MYRIP: variants seen among roughly 807,000 people sequenced by gnomAD.
MYRIP encodes the protein myosin VIIA and Rab interacting protein.
In MYRIP, 49 loss-of-function variants were observed where a neutral mutation model predicts 98.0. The ratio of observed to expected loss-of-function variants is 0.50; its 90% CI spans 0.40 to 0.63. The LOEUF is 0.63. Among genes scored for constraint, MYRIP ranks in the 30% least tolerant of loss-of-function variants. MYRIP has a pLI of 0.00. For synonymous variants in MYRIP, 404 were observed against 409.5 expected (o/e 0.99, Z 0.16); for missense variants, 1,004 against 1,058.2 (o/e 0.95, Z 0.71).
Position 40,151,106 on chromosome 3 carries a change from C to A in MYRIP, c.391C>A (p.Arg131Ser). 1 of 1,610,448 alleles carries A rather than the reference C, an allele frequency of 6.2e-7. No homozygotes were observed. Among genetic ancestry groups the A allele is most frequent in the Non-Finnish European group, 8.5e-7 (1 of 1,178,172 alleles). Residue 131 changes from arginine (R) to serine (S), a missense_variant, in exon 4 of 17, where the codon CGC becomes AGC. Coordinates refer to ENST00000302541, the MANE Select transcript of MYRIP (RefSeq NM_015460.4). ...CAATAATGTGAAGAGCCGCTTCAAG[C>A]GCTTTGGCAGTGCCAAGGTTCTGAA... ...FYNNVKSRFK[R>S]FGSAKVLKNL...
chr3:39,999,416 G>A (rs1417903533), intron 2 of MYRIP, among the ~76,000 whole-genome samples: 4 of 152,082 alleles, frequency 2.6e-5, no homozygotes, highest in Non-Finnish European at 4.4e-5. Flanking sequence ...CAACAGACAC[G>A]TGAAAAAATG....
At chr3:39,933,928 T>C (rs1002857825) in intron 2 of MYRIP, among the ~76,000 whole-genome samples, 1 of 152,160 alleles carries the variant, frequency 6.6e-6, no homozygotes, top group African/African-American at 2.4e-5. Context: ...TTTTATTACC[T>C]CAGTGGTTCT....
chr3:39,917,677 T>C (rs1201989227), intron 2 of MYRIP, among the ~76,000 whole-genome samples: 1 of 151,756 alleles, frequency 6.6e-6, no homozygotes, highest in Non-Finnish European at 1.5e-5. Flanking sequence ...TTATTATAGA[T>C]TAGCTGCCTT....
At chr3:39,843,557 T>C (rs536422770) in intron 1 of MYRIP, among the ~76,000 whole-genome samples, 1 of 152,210 alleles carries the variant, frequency 6.6e-6, no homozygotes, top group African/African-American at 2.4e-5. Flanking sequence ...TCAAGTGATA[T>C]GTTACCTTGG....
chr3:40,134,444 T>G (rs933524743), intron 3 of MYRIP, among the ~76,000 whole-genome samples: 1 of 152,212 alleles, frequency 6.6e-6, no homozygotes, highest in African/African-American at 2.4e-5. Flanking sequence ...CTCTGTAGGC[T>G]CCACCTCTGG....
chr3:39,810,481 C>G, intron 1 of MYRIP: 1 of 153,032 alleles, frequency 6.5e-6, no homozygotes, highest in South Asian at 2.1e-4. Flanking sequence ...GCGGGGCGGT[C>G]ACTTCAGCTT....
intron 8 of MYRIP, among the ~76,000 whole-genome samples, chr3:40,180,684 T>C (rs1950864295): frequency 6.6e-6 from 1 of 152,214 alleles, no homozygotes; most frequent in Non-Finnish European, 1.5e-5. Flanking sequence ...CCCATCATGC[T>C]CTCTCTTCTA....
At chr3:40,203,454 G>A (rs1951626029) in intron 10 of MYRIP, among the ~76,000 whole-genome samples, 1 of 151,688 alleles carries the variant, frequency 6.6e-6, no homozygotes. Context: ...AGGTAATCCA[G>A]AACATACCTC....
Position 39,809,878 on chromosome 3 carries a change from GAC to G in MYRIP, c.-68_-67del, listed in dbSNP as rs1238046712. The G allele has an allele frequency of 6.6e-6, 1 of 152,390 alleles. No individual in the cohort carries two copies. Among genetic ancestry groups the G allele is most frequent in the South Asian group, 2.1e-4 (1 of 4,826 alleles). The allele number at this position is 152,390 out of a possible 1,614,324, so 9.4% of individuals were successfully genotyped here. A position where few individuals can be genotyped will look rare whatever the true frequency, so the allele number is the denominator to read the frequency against. On this transcript the variant is annotated 5_prime_UTR_variant, in exon 1 of 17. The change creates a premature stop within an existing upstream ORF in the 5' untranslated region. Transcript: ENST00000302541. ...TGGCCTGAGCCCGGCCGCCATCGAT[GAC>G]CCCGGTCGCGGACTTGCTTCAGGCT...
chr3:40,030,695 CATT>C (rs1268146463), intron 2 of MYRIP, among the ~76,000 whole-genome samples: 4 of 152,074 alleles, frequency 2.6e-5, no homozygotes, highest in Non-Finnish European at 4.4e-5. Context: ...ACGTTGAACA[CATT>C]ATGCAAAGTG....
intron 1 of MYRIP, among the ~76,000 whole-genome samples, chr3:39,867,968 TATTC>T (rs1942673572): frequency 6.6e-6 from 1 of 152,280 alleles, no homozygotes; most frequent in African/African-American, 2.4e-5. Flanking sequence ...TATAATAAAA[TATTC>T]AGTCATAAAA....
At chr3:39,886,822 C>A (rs1459317980) in intron 1 of MYRIP, among the ~76,000 whole-genome samples, 2 of 152,036 alleles carry the variant, frequency 1.3e-5, no homozygotes, top group Non-Finnish European at 2.9e-5. Context: ...TTGAACTCAG[C>A]TTTGCACCAA....
At chr3:40,247,601 G>C (rs1953246554) in intron 13 of MYRIP, among the ~76,000 whole-genome samples, 1 of 152,162 alleles carries the variant, frequency 6.6e-6, no homozygotes, top group African/African-American at 2.4e-5. Context: ...TTGGCTCACT[G>C]CAACCTCCGC....
rs1386521672 is a variant in MYRIP at position 40,194,708 on chromosome 3, T to C, written c.1665+4245T>C. Among the ~76,000 whole-genome samples the C allele has an allele frequency of 2.0e-5, 3 of 152,302 alleles. No homozygotes were observed. The East Asian group carries it at 5.8e-4, about 29-fold the overall frequency. ...TAAGCCTTTCCTATCAATAATGTGG[T>C]ATTTATTCCCACTTATTTACTTTCA... On this transcript the variant is annotated intron_variant, in intron 10 of 16. Transcript: ENST00000302541.
chr3:40,231,441 G>A (rs1575661865), intron 11 of MYRIP, among the ~76,000 whole-genome samples: 1 of 152,300 alleles, frequency 6.6e-6, no homozygotes, highest in East Asian at 1.9e-4. Flanking sequence ...AATGAACCGT[G>A]GGGAATGTAG....
chr3:40,036,414 T>C (rs1473216870), intron 2 of MYRIP, among the ~76,000 whole-genome samples: 1 of 151,716 alleles, frequency 6.6e-6, no homozygotes, highest in East Asian at 1.9e-4. Context: ...TGCTAGAATT[T>C]ACCTTGATGA....
At chr3:39,929,903 G>A (rs1462654493) in intron 2 of MYRIP, among the ~76,000 whole-genome samples, 1 of 151,970 alleles carries the variant, frequency 6.6e-6, no homozygotes, top group Non-Finnish European at 1.5e-5. Context: ...GCGTGTATCA[G>A]TATTTCATCC....
chr3:40,008,069 G>A (rs1017671977), intron 2 of MYRIP, among the ~76,000 whole-genome samples: 2 of 152,380 alleles, frequency 1.3e-5, no homozygotes, highest in African/African-American at 4.8e-5. Flanking sequence ...ACAACTGGCT[G>A]TCTTTTGCTG....
chr3:39,849,087 A>G (rs1037562683), intron 1 of MYRIP, among the ~76,000 whole-genome samples: 1 of 152,218 alleles, frequency 6.6e-6, no homozygotes, highest in African/African-American at 2.4e-5. Flanking sequence ...TAGAGGGTAC[A>G]TCTGTCTATC....
Sources: allele counts gnomAD v4.1 joint callset (sites outside exome capture counted in the v4.1 genomes callset), GRCh38; gene constraint gnomAD v4.1.1; transcripts MANE v1.5; gene names NCBI Gene and HGNC (gene_info 2026-07-23, HGNC 2026-07-21).